Variants in ZNF335 observed in about 807,000 individuals in gnomAD.
ZNF335 encodes NRC-interacting factor 1.
In ZNF335, 84 loss-of-function variants were observed where a neutral mutation model predicts 145.6. The observed-to-expected ratio is 0.58, with a 90% CI of 0.48 to 0.69. The LOEUF is 0.69. Among genes scored for constraint, ZNF335 ranks in the 30% least tolerant of loss-of-function variants. The pLI is 0.00. For missense variants in ZNF335, 1,865 were observed against 1,809.7 expected (o/e 1.03, Z -0.55); for synonymous variants, 761 against 717.0 (o/e 1.06, Z -0.98).
At chr20:45,961,117 A>C (rs574218613) in intron 10 of ZNF335, among the ~76,000 whole-genome samples, 6 of 152,210 alleles carry the variant, frequency 3.9e-5, no homozygotes, top group Non-Finnish European at 7.3e-5. Flanking sequence ...TCTGTCTGTC[A>C]ATCACAAAAT....
intron 2 of ZNF335, among the ~76,000 whole-genome samples, chr20:45,970,546 G>A (rs1356386691): frequency 6.6e-6 from 1 of 152,170 alleles, no homozygotes; most frequent in Non-Finnish European, 1.5e-5. Flanking sequence ...TAGATGTTGG[G>A]TAGCTTGCTC....
Position 45,957,628 on chromosome 20 carries a change from C to T in ZNF335, c.2400G>A (p.Leu800=). 1 of 1,614,158 alleles carries T rather than the reference C, an allele frequency of 6.2e-7. No individual in the cohort carries two copies. Among genetic ancestry groups the T allele is most frequent in the Non-Finnish European group, 8.5e-7 (1 of 1,180,022 alleles). ...MATQTALDLL[L]NMSAQRELGG... is the part of the protein sequence containing the mutation. ...CCAGTTCCCGCTGAGCACTCATGTT[C>T]AGCAGAAGATCCAAGGCTGTCTGCG... is the stretch of plus-strand genomic sequence containing the variant. Residue 800 remains leucine (L), a synonymous_variant, in exon 17 of 28, where the codon CTG becomes CTA. Coordinates refer to ENST00000322927, the MANE Select transcript of ZNF335 (RefSeq NM_022095.4).
intron 15 of ZNF335, among the ~76,000 whole-genome samples, 161 bp from the exon 16 acceptor site, chr20:45,958,089 T>C (rs1285499758): frequency 3.3e-5 from 5 of 151,386 alleles, no homozygotes; most frequent in Non-Finnish European, 5.9e-5. Context: ...CTCTCTGTCA[T>C]GCAGGCTGGA....
chr20:45,951,452 C>T (rs2083629918), intron 20 of ZNF335, among the ~76,000 whole-genome samples: 1 of 152,238 alleles, frequency 6.6e-6, no homozygotes, highest in African/African-American at 2.4e-5. Flanking sequence ...ACCAGTGGTC[C>T]CCACCCTTTT....
chr20:45,952,745 G>A lies in ZNF335; in HGVS notation c.2703-36C>T, dbSNP rs762419100. 1.1e-5 allele frequency: 18 copies of A among 1,596,778 alleles called. No individual in the cohort carries two copies. The Admixed American group carries it at 2.7e-4, about 24-fold the overall frequency. On this transcript the variant is annotated intron_variant, in intron 18 of 27. Coordinates refer to ENST00000322927, the MANE Select transcript of ZNF335 (RefSeq NM_022095.4). ...GGAGAAGGTTCTAGGAGAAGATGGA[G>A]GGCCACAGGAGCCCCCTTCCCCAAG...
At chr20:45,962,415 G>A (rs1035714690) in intron 9 of ZNF335, among the ~76,000 whole-genome samples, 7 of 152,230 alleles carry the variant, frequency 4.6e-5, no homozygotes, top group African/African-American at 1.7e-4. Flanking sequence ...ACTTGACAAA[G>A]AAGGAACCTG....
chr20:45,961,017 C>G, intron 10 of ZNF335, 135 bp from the exon 11 acceptor site: 1 of 1,195,644 alleles, frequency 8.4e-7, no homozygotes, highest in Non-Finnish European at 1.2e-6. Context: ...TAGTGCTTCC[C>G]CAGCTGGAGT....
At chr20:45,971,182 C>CA in intron 2 of ZNF335, 28 bp downstream of exon 2, 1 of 1,497,910 alleles carries the variant, frequency 6.7e-7, no homozygotes, top group Non-Finnish European at 8.9e-7. Flanking sequence ...TCCTTGCCTC[C>CA]ACCCACGCCG....
At position 45,965,685 on chromosome 20, in the gene ZNF335, T is replaced by G. The variant is rs1386432582; in HGVS notation, c.1045A>C (p.Arg349=). The G allele has an allele frequency of 6.2e-7, 1 of 1,601,030 alleles. No homozygotes were observed. Among genetic ancestry groups the G allele is most frequent in the East Asian group, 2.3e-5 (1 of 43,482 alleles). The change falls in exon 7 of 28, where the codon AGG becomes CGG. Residue 349 remains arginine, a synonymous_variant. Transcript: ENST00000322927. ...RPTPSTPRPR[R]RPGRPRKLPR... ...AGCTTCCGGGGCCGGCCAGGTCTCC[T>G]TCGGGGCCTTGGGGTACTGGGGGTG...
In ZNF335 at chr20:45,967,827, C is replaced by A; in HGVS notation, c.721G>T (p.Val241Leu). ...QSLEAMMEVV[V>L]VQQFKCKMCQ... is the part of the protein sequence containing the mutation. ...ATCTTGCATTTGAACTGCTGCACCA[C>A]CACCACCTCCATCATGGCCTCCAGG... The change falls in exon 5 of 28, where the codon GTG (valine) becomes TTG (leucine). Residue 241 changes from valine (V) to leucine (L), a missense_variant. Coordinates refer to ENST00000322927, the MANE Select transcript of ZNF335 (RefSeq NM_022095.4). The A allele has an allele frequency of 6.2e-7, 1 of 1,613,512 alleles. No homozygotes were observed. Among genetic ancestry groups the A allele is most frequent in the Non-Finnish European group, 8.5e-7 (1 of 1,180,026 alleles).
At chr20:45,953,488 G>A (rs370069645) in intron 18 of ZNF335, among the ~76,000 whole-genome samples, 2 of 152,234 alleles carry the variant, frequency 1.3e-5, no homozygotes. Flanking sequence ...GTCCCATCAT[G>A]AGTGCCAAGT....
intron 9 of ZNF335, among the ~76,000 whole-genome samples, chr20:45,962,728 T>C (rs564731496): frequency 6.6e-6 from 1 of 151,770 alleles, no homozygotes; most frequent in Non-Finnish European, 1.5e-5. Flanking sequence ...GATTTAATTA[T>C]CCAGTTACTG....
chr20:45,965,065 A>C (rs2083926382), intron 7 of ZNF335, among the ~76,000 whole-genome samples: 1 of 149,856 alleles, frequency 6.7e-6, no homozygotes, highest in South Asian at 2.1e-4. Flanking sequence ...AATAATAATA[A>C]TAATACAACA....
At chr20:45,961,959 G>T in intron 10 of ZNF335, 111 bp downstream of exon 10, 1 of 858,376 alleles carries the variant, frequency 1.2e-6, no homozygotes, top group Non-Finnish European at 1.8e-6. Flanking sequence ...CAGCAAATGG[G>T]GCTGGCTCAG....
Position 45,957,928 on chromosome 20 carries a change from T to G in ZNF335, c.2254A>C (p.Ile752Leu). 1 of 1,613,948 alleles carries G rather than the reference T, an allele frequency of 6.2e-7. No individual in the cohort carries two copies. The highest frequency in any genetic ancestry group is 1.6e-4 in the Middle Eastern group (1 of 6,062). Residue 752 changes from isoleucine to leucine, a missense_variant and splice_region_variant, in exon 16 of 28, where the codon ATA (isoleucine) becomes CTA (leucine). Ile to Leu is a conservative substitution (Grantham distance 5). Transcript: ENST00000322927. ...PPPSSPGPPE[I>L]PPEATTFQSS... ...TGGAAAGTTGTCGCCTCTGGGGGTA[T>G]CTATGGGGTGGAGATATGGCCACGC... is the stretch of plus-strand genomic sequence containing the variant.
Position 45,949,212 on chromosome 20 carries a change from T to G in ZNF335, c.3859A>C (p.Thr1287Pro). The G allele has an allele frequency of 6.2e-7, 1 of 1,613,890 alleles. No individual in the cohort carries two copies. Among genetic ancestry groups the G allele is most frequent in the African/African-American group, 1.3e-5 (1 of 75,042 alleles). The stretch of plus-strand genomic sequence containing the variant: ...GCTGCAGCCTCAAGTTGAGCCTGTG[T>G]GACAAGCTGCTGGCCTGGGGACACA... Reference protein sequence around the residue: ...VPVSPGQQLVTQAQLEAAAHS... With the variant: ...VPVSPGQQLVPQAQLEAAAHS... Residue 1287 changes from threonine (T) to proline (P), a missense_variant, in exon 27 of 28, where the codon ACA becomes CCA. By Grantham distance (38) the Thr-to-Pro change is conservative. Transcript: ENST00000322927.
At chr20:45,951,770 CT>C (rs1055268132) in intron 20 of ZNF335, among the ~76,000 whole-genome samples, 7 of 152,188 alleles carry the variant, frequency 4.6e-5, no homozygotes, top group African/African-American at 1.7e-4. Context: ...TTGGGCACCC[CT>C]GTTCTAGACG....
At chr20:45,950,677 C>A in intron 20 of ZNF335, 82 bp from the exon 21 acceptor site, 2 of 1,574,828 alleles carry the variant, frequency 1.3e-6, no homozygotes, top group South Asian at 1.1e-5. Flanking sequence ...GACAGCTGGT[C>A]AGGGAACCAG....
At chr20:45,971,908 C>T (rs1449635690) in intron 1 of ZNF335, 1 of 985,336 alleles carries the variant, frequency 1.0e-6, no homozygotes, top group Non-Finnish European at 1.2e-6. Context: ...TTGGGGCTGT[C>T]CCCGGCGCTG....
Sources: allele counts gnomAD v4.1 joint callset (sites outside exome capture counted in the v4.1 genomes callset), GRCh38; gene constraint gnomAD v4.1.1; transcripts MANE v1.5; gene names NCBI Gene and HGNC (gene_info 2026-07-23, HGNC 2026-07-21).